The following ZFHX3 variants were observed in gnomAD, a reference collection of about 807,000 sequenced individuals.
ZFHX3 encodes zinc finger homeobox 3.
In ZFHX3, 42 loss-of-function variants were observed where a neutral mutation model predicts 279.1. That is an observed-to-expected ratio of 0.15 (90% CI 0.12 to 0.19). The LOEUF (loss-of-function observed/expected upper bound fraction) is 0.19, where lower values mean the gene tolerates loss of function less well. Ranked by LOEUF, ZFHX3 falls within the 10% of genes least tolerant of loss-of-function variation. The pLI, the probability that ZFHX3 is intolerant of heterozygous loss-of-function variation, is 1.00. For missense variants in ZFHX3, 4,981 were observed against 4,754.0 expected (o/e 1.05, Z -1.40); for synonymous variants, 2,293 against 1,957.8 (o/e 1.17, Z -4.52).
chr16:73,157,810 A>G (rs4788706), intron 5 of ZFHX3, among the ~76,000 whole-genome samples: 95,587 of 151,918 alleles, frequency 0.63, 31,120 homozygotes, highest in African/African-American at 0.8. Flanking sequence ...GTGGGCTGCC[A>G]TGGACGCCAT....
intron 1 of ZFHX3, among the ~76,000 whole-genome samples, chr16:73,811,656 A>G (rs1446078797): frequency 3.9e-5 from 6 of 152,036 alleles, no homozygotes; most frequent in Non-Finnish European, 8.8e-5. Context: ...CATGTTGGCC[A>G]GGCTGGTCTC....
chr16:73,733,816 A>C (rs542082016), intron 1 of ZFHX3, among the ~76,000 whole-genome samples: 1 of 152,380 alleles, frequency 6.6e-6, no homozygotes. Flanking sequence ...ATACAAGAAC[A>C]CATTAAAATA....
intron 2 of ZFHX3, among the ~76,000 whole-genome samples, chr16:73,675,470 T>G (rs931450757): frequency 1.3e-5 from 2 of 152,164 alleles, no homozygotes; most frequent in Non-Finnish European, 2.9e-5. Flanking sequence ...ATGGATTTAC[T>G]GAGGTTCTAG....
chr16:73,436,941 A>C (rs1050503319), intron 3 of ZFHX3, among the ~76,000 whole-genome samples: 29 of 152,122 alleles, frequency 1.9e-4, no homozygotes, highest in Non-Finnish European at 4.1e-4. Context: ...CCCTCCACAG[A>C]TGCCTTGAAC....
At chr16:73,071,431 C>T (rs988080163) in intron 8 of ZFHX3, among the ~76,000 whole-genome samples, 26 of 152,072 alleles carry the variant, frequency 1.7e-4, no homozygotes, top group Non-Finnish European at 2.6e-4. Flanking sequence ...GGAGGGAGCA[C>T]GTGCAACTCG....
intron 1 of ZFHX3, among the ~76,000 whole-genome samples, chr16:73,712,780 T>C (rs183300323): frequency 2.3e-3 from 351 of 152,264 alleles, no homozygotes; most frequent in African/African-American, 7.9e-3. Context: ...GTTTTCACCG[T>C]AAGAGGGGGG....
chr16:73,261,620 C>A (rs957282648), intron 4 of ZFHX3, among the ~76,000 whole-genome samples: 132 of 149,380 alleles, frequency 8.8e-4, no homozygotes, highest in African/African-American at 3.2e-3. Context: ...AAGTGAAACT[C>A]CAATTTGATC....
At chr16:73,325,843 T>C (rs145234263) in intron 3 of ZFHX3, among the ~76,000 whole-genome samples, 14 of 152,020 alleles carry the variant, frequency 9.2e-5, no homozygotes, top group African/African-American at 3.4e-4. Flanking sequence ...AGGAGCAGCA[T>C]ATACAGAAAT....
At chr16:73,762,286 C>T (rs989998504) in intron 1 of ZFHX3, among the ~76,000 whole-genome samples, 1 of 152,128 alleles carries the variant, frequency 6.6e-6, no homozygotes, top group Non-Finnish European at 1.5e-5. Flanking sequence ...CAATGAGATA[C>T]CATCTCATGC....
chr16:73,835,622 C>T (rs1441472846), intron 1 of ZFHX3, among the ~76,000 whole-genome samples: 1 of 151,882 alleles, frequency 6.6e-6, no homozygotes, highest in Non-Finnish European at 1.5e-5. Context: ...AGGCACCCGC[C>T]ACCATGCCCA....
At chr16:72,855,883 AG>A (rs2037742814) in intron 4 of ZFHX3, among the ~76,000 whole-genome samples, 1 of 152,224 alleles carries the variant, frequency 6.6e-6, no homozygotes, top group Non-Finnish European at 1.5e-5. Flanking sequence ...CCCAATGGCA[AG>A]AAACGCCAAC....
chr16:73,830,432 T>C (rs1238975711), intron 1 of ZFHX3, among the ~76,000 whole-genome samples: 2 of 152,008 alleles, frequency 1.3e-5, no homozygotes, highest in African/African-American at 4.8e-5. Context: ...CTCCTCCCCC[T>C]CCAAATAATT....
intron 2 of ZFHX3, chr16:73,500,082 T>G (rs1276664164): frequency 1.3e-5 from 2 of 152,242 alleles, no homozygotes; most frequent in African/African-American, 4.8e-5. Flanking sequence ...GTGTGCTCCC[T>G]GTACTTACAA....
intron 3 of ZFHX3, among the ~76,000 whole-genome samples, chr16:73,369,047 T>C (rs1480273353): frequency 6.6e-6 from 1 of 152,216 alleles, no homozygotes; most frequent in Non-Finnish European, 1.5e-5. Context: ...TCAGTAATTA[T>C]ACTAGGTTTT....
chr16:73,834,702 C>T (rs1597136257), intron 1 of ZFHX3, among the ~76,000 whole-genome samples: 1 of 152,256 alleles, frequency 6.6e-6, no homozygotes, highest in South Asian at 2.1e-4. Context: ...ACCATCCTGG[C>T]CAACATGGTG....
chr16:73,448,268 G>A (rs12445061), intron 3 of ZFHX3, among the ~76,000 whole-genome samples: 102,444 of 152,018 alleles, frequency 0.67, 37,445 homozygotes, highest in Non-Finnish European at 0.83. Context: ...ACCCATCTGG[G>A]AGAAAATACA....
intron 3 of ZFHX3, among the ~76,000 whole-genome samples, chr16:73,351,480 G>A (rs554879857): frequency 2.6e-5 from 4 of 152,136 alleles, no homozygotes; most frequent in Admixed American, 2.6e-4. Flanking sequence ...CTGTGCAGAG[G>A]GGCCTTCTCC....
chr16:72,828,283 G>A (rs923810040), intron 5 of ZFHX3, among the ~76,000 whole-genome samples: 11 of 152,136 alleles, frequency 7.2e-5, no homozygotes, highest in Non-Finnish European at 1.5e-4. Context: ...AATCATTTTT[G>A]TTGCCCGTCA....
At chr16:73,344,605 A>C (rs1347347916) in intron 3 of ZFHX3, among the ~76,000 whole-genome samples, 1 of 152,208 alleles carries the variant, frequency 6.6e-6, no homozygotes, top group Non-Finnish European at 1.5e-5. Context: ...TTCTTAGGAA[A>C]CATACACCAA....
Sources: allele counts gnomAD v4.1 joint callset (sites outside exome capture counted in the v4.1 genomes callset), GRCh38; gene constraint gnomAD v4.1.1; transcripts MANE v1.5; gene names NCBI Gene and HGNC (gene_info 2026-07-23, HGNC 2026-07-21).